The following NSMCE2 variants were observed in gnomAD, a reference collection of about 807,000 sequenced individuals.
NSMCE2 encodes the protein E3 SUMO-protein ligase NSE2.
In NSMCE2, 24 loss-of-function variants were observed where a neutral mutation model predicts 23.8. The ratio of observed to expected loss-of-function variants is 1.01; its 90% confidence interval spans 0.73 to 1.42. The LOEUF (loss-of-function observed/expected upper bound fraction) is 1.42. NSMCE2 is among the 40% of genes most tolerant of loss of function. The probability of loss-of-function intolerance (pLI) is 0.00; values close to 1 mark genes in which losing one functional copy is unlikely to be tolerated. For missense variants in NSMCE2, 284 were observed against 296.5 expected (o/e 0.96, Z 0.31); for synonymous variants, 92 against 94.1 (o/e 0.98, Z 0.13).
At chr8:125,170,971 C>T (rs1822174442) in intron 4 of NSMCE2, among the ~76,000 whole-genome samples, 1 of 152,160 alleles carries the variant, frequency 6.6e-6, no homozygotes, top group African/African-American at 2.4e-5. Context: ...AAAGCTAAAG[C>T]CCTCCGTCAT....
chr8:125,204,815 T>G (rs967762180), intron 5 of NSMCE2, among the ~76,000 whole-genome samples: 22 of 152,206 alleles, frequency 1.4e-4, no homozygotes, highest in African/African-American at 5.1e-4. Context: ...CCACTACTAT[T>G]GCTGCTCTAC....
chr8:125,344,610 G>C (rs920088233), intron 5 of NSMCE2, among the ~76,000 whole-genome samples: 1 of 151,986 alleles, frequency 6.6e-6, no homozygotes, highest in African/African-American at 2.4e-5. Context: ...AGGAGTGGTG[G>C]CATGCACCTG....
At position 125,324,572 on chromosome 8, in the gene NSMCE2, CTT is replaced by C. The variant is rs1189623667; in HGVS notation, c.419-32627_419-32626del. On this transcript the variant is annotated intron_variant, in intron 5 of 7. Transcript: ENST00000287437. Reference sequence around the variant, plus strand: ...TATGTGATTCCATTTTGATAAAATTCTTTTTTTTTTTTTTTTTTTTTGAGACG... The same window carrying C: ...TATGTGATTCCATTTTGATAAAATTCTTTTTTTTTTTTTTTTTTTGAGACG... Among the ~76,000 whole-genome samples the C allele has an allele frequency of 5.1e-3, 302 of 59,292 alleles. 1 individual carries two copies. Among genetic ancestry groups the C allele is most frequent in the African/African-American group, 0.016 (296 of 18,948 alleles). The allele number at this position is 59,292 out of a possible 152,430, so 38.9% of individuals were successfully genotyped here. A position where few individuals can be genotyped will look rare whatever the true frequency, so the allele number is the denominator to read the frequency against.
chr8:125,357,348 G>C (rs763109361), intron 6 of NSMCE2, 29 bp downstream of exon 6: 1 of 1,387,764 alleles, frequency 7.2e-7, no homozygotes, highest in Non-Finnish European at 1.0e-6. Context: ...TCCCCTGAAA[G>C]AAACACGATT....
At chr8:125,239,071 C>G (rs1586656069) in intron 5 of NSMCE2, among the ~76,000 whole-genome samples, 1 of 152,230 alleles carries the variant, frequency 6.6e-6, no homozygotes, top group South Asian at 2.1e-4. Flanking sequence ...TCTGGCTTTC[C>G]TTTGATGTTA....
chr8:125,259,721 G>C (rs1460635298), intron 5 of NSMCE2, among the ~76,000 whole-genome samples: 1 of 152,100 alleles, frequency 6.6e-6, no homozygotes, highest in Non-Finnish European at 1.5e-5. Context: ...ATAAACAATA[G>C]CTTATATTTA....
chr8:125,347,038 A>G (rs939433003), intron 5 of NSMCE2, among the ~76,000 whole-genome samples: 2 of 152,220 alleles, frequency 1.3e-5, no homozygotes, highest in African/African-American at 4.8e-5. Flanking sequence ...ACAGAAAAAA[A>G]TTGAAGATGT....
intron 5 of NSMCE2, among the ~76,000 whole-genome samples, chr8:125,338,311 A>G (rs961802017): frequency 2.0e-5 from 3 of 149,394 alleles, no homozygotes; most frequent in African/African-American, 7.3e-5. Context: ...TGCCTTTTAT[A>G]TAGAAGTTCT....
Position 125,358,649 on chromosome 8 carries a change from A to G in NSMCE2, c.626+831A>G, listed in dbSNP as rs1289686805. Among the ~76,000 whole-genome samples the G allele has an allele frequency of 2.0e-5, 3 of 152,066 alleles. No homozygotes were observed. In the East Asian group the frequency reaches 5.8e-4, roughly 29 times the overall value. On this transcript the variant is annotated intron_variant, in intron 7 of 7. Coordinates refer to ENST00000287437, the MANE Select transcript of NSMCE2 (RefSeq NM_173685.4). ...GTTTGGCATTTCTTGTGCTCTTATC[A>G]TGGATTTGTTGCAGGAATGGAATTG... is the stretch of plus-strand genomic sequence containing the variant.
intron 5 of NSMCE2, among the ~76,000 whole-genome samples, chr8:125,279,002 A>G (rs111743706): frequency 8.5e-4 from 130 of 152,314 alleles, no homozygotes; most frequent in African/African-American, 3.0e-3. Context: ...TTGTGTTTGT[A>G]TAATCATTAT....
At position 125,219,788 on chromosome 8, in the gene NSMCE2, A is replaced by C. The variant is rs959143645; in HGVS notation, c.418+37532A>C. 2.6e-5 allele frequency among the ~76,000 whole-genome samples: 4 copies of C among 152,182 alleles called. No individual in the cohort carries two copies. In the South Asian group the frequency reaches 8.3e-4, roughly 31 times the overall value. On this transcript the variant is annotated intron_variant, in intron 5 of 7. Transcript: ENST00000287437. ...ACACTTTGGGCTTCGCTGATTGAAAACACCACACCAACTGAAAAATCACTG... is the reference window on the plus strand; with the variant it reads ...ACACTTTGGGCTTCGCTGATTGAAACCACCACACCAACTGAAAAATCACTG...
chr8:125,277,969 A>T (rs1040116941), intron 5 of NSMCE2, among the ~76,000 whole-genome samples: 8 of 152,248 alleles, frequency 5.3e-5, no homozygotes, highest in Non-Finnish European at 1.0e-4. Context: ...TTAATTGGGT[A>T]TAAATACAAC....
chr8:125,293,020 G>A (rs987323132), intron 5 of NSMCE2, among the ~76,000 whole-genome samples: 4 of 152,142 alleles, frequency 2.6e-5, no homozygotes, highest in African/African-American at 7.2e-5. Context: ...TGTCCCAGGG[G>A]GCCTGGTTTA....
intron 5 of NSMCE2, among the ~76,000 whole-genome samples, chr8:125,227,849 A>G (rs1409045097): frequency 6.6e-6 from 1 of 152,202 alleles, no homozygotes; most frequent in African/African-American, 2.4e-5. Flanking sequence ...TATATTCGCA[A>G]AACTGAGATC....
At chr8:125,299,804 CTTTTTTTTTTTTTTT>C (rs58789139) in intron 5 of NSMCE2, among the ~76,000 whole-genome samples, 10 of 70,264 alleles carry the variant, frequency 1.4e-4, no homozygotes, top group Admixed American at 4.2e-4. Flanking sequence ...TTTTGGCTTT[CTTTTTTTTTTTTTTT>C]TTTTTTTTTT....
chr8:125,322,214 T>C (rs1001267330), intron 5 of NSMCE2, among the ~76,000 whole-genome samples: 1 of 152,028 alleles, frequency 6.6e-6, no homozygotes, highest in Non-Finnish European at 1.5e-5. Flanking sequence ...AAAGAAATTT[T>C]AAAATTAGCC....
intron 5 of NSMCE2, among the ~76,000 whole-genome samples, chr8:125,239,754 T>C (rs1825696294): frequency 6.6e-6 from 1 of 152,100 alleles, no homozygotes; most frequent in Non-Finnish European, 1.5e-5. Context: ...TGTAAAAATA[T>C]ACCCAGAATT....
intron 3 of NSMCE2, among the ~76,000 whole-genome samples, chr8:125,135,689 C>T (rs1344385099): frequency 6.6e-6 from 1 of 152,002 alleles, no homozygotes; most frequent in Non-Finnish European, 1.5e-5. Context: ...GCTGAATTGC[C>T]TTTGCACTTT....
chr8:125,203,301 T>C lies in NSMCE2; in HGVS notation c.418+21045T>C, dbSNP rs148276745. Among the ~76,000 whole-genome samples, 910 of 152,238 alleles carry C rather than the reference T, an allele frequency of 6.0e-3. 9 individuals are homozygous for C. Among genetic ancestry groups the C allele is most frequent in the Admixed American group, 0.011 (175 of 15,292 alleles). On this transcript the variant is annotated intron_variant, in intron 5 of 7. Transcript: ENST00000287437. Reference sequence around the variant, plus strand: ...TACCCTCATCTCCTGTCAACCTGTTTGCCAGATTATAGACTGTATCATACC... The same window carrying C: ...TACCCTCATCTCCTGTCAACCTGTTCGCCAGATTATAGACTGTATCATACC...
Sources: allele counts gnomAD v4.1 joint callset (sites outside exome capture counted in the v4.1 genomes callset), GRCh38; gene constraint gnomAD v4.1.1; transcripts MANE v1.5; gene names NCBI Gene and HGNC (gene_info 2026-07-23, HGNC 2026-07-21).